The following RIC1 variants were observed in gnomAD, a reference collection of about 807,000 sequenced individuals.
RIC1 encodes guanine nucleotide exchange factor subunit RIC1.
RIC1 carries 88 observed loss-of-function variants against 169.0 expected under a neutral mutation model. That is an observed-to-expected ratio of 0.52 (90% CI 0.44 to 0.62). The LOEUF (loss-of-function observed/expected upper bound fraction) is 0.62, where lower values mean the gene tolerates loss of function less well. Ranked by LOEUF, RIC1 falls within the 20% of genes least tolerant of loss-of-function variation. The pLI, the probability that RIC1 is intolerant of heterozygous loss-of-function variation, is 0.00. For missense variants in RIC1, 1,877 were observed against 1,725.5 expected (o/e 1.09, Z -1.56); for synonymous variants, 790 against 601.5 (o/e 1.31, Z -4.59).
chr9:5,708,448 T>C (rs971976364), intron 3 of RIC1, among the ~76,000 whole-genome samples: 16 of 152,210 alleles, frequency 1.1e-4, no homozygotes, highest in African/African-American at 3.6e-4. Flanking sequence ...TTAGCATTTC[T>C]GGTAGTTCAG....
rs1001980455 is a variant in RIC1, at chr9:5,684,501, A to G, written c.253-5458A>G. ...CATCTCTTTTGCCAGATTTATCCAT[A>G]TCTCACAACTTTAATGTTACTGATT... On this transcript the variant is annotated intron_variant, in intron 2 of 25. Transcript: ENST00000414202. Among the ~76,000 whole-genome samples the G allele has an allele frequency of 7.2e-5, 11 of 152,078 alleles. No individual in the cohort carries two copies. In the South Asian group the frequency reaches 2.1e-3, roughly 29 times the overall value.
chr9:5,702,437 AGCAG>A (rs1319499344), intron 3 of RIC1, among the ~76,000 whole-genome samples: 1 of 152,216 alleles, frequency 6.6e-6, no homozygotes, highest in Admixed American at 6.5e-5. Flanking sequence ...GAGAAGGGGA[AGCAG>A]GCACCTCTTA....
At position 5,640,819 on chromosome 9, in the gene RIC1, G is replaced by T. The variant is rs572968963; in HGVS notation, c.144+11366G>T. ...TCTCTCAGCATTTTTTGTCTGTGAAGGTCTTTGTTTCTCCTTCATGCTTGA... is the reference window on the plus strand; with the variant it reads ...TCTCTCAGCATTTTTTGTCTGTGAATGTCTTTGTTTCTCCTTCATGCTTGA... On this transcript the variant is annotated intron_variant, in intron 1 of 25. Coordinates refer to ENST00000414202, the MANE Select transcript of RIC1 (RefSeq NM_020829.4). Among the ~76,000 whole-genome samples, 61 of 152,190 alleles carry T rather than the reference G, an allele frequency of 4.0e-4. 2 individuals are homozygous for T. The South Asian group carries it at 0.012, about 31-fold the overall frequency.
In RIC1 at chr9:5,646,181, G is replaced by C. The variant is rs563877192; in HGVS notation, c.145-10402G>C. On this transcript the variant is annotated intron_variant, in intron 1 of 25. Transcript: ENST00000414202. The stretch of plus-strand genomic sequence containing the variant: ...CATTTTCCTAATGGTTATTAATGTC[G>C]AGCATCTTTTATGTACTTGTAAGTC... 2.5e-3 allele frequency among the ~76,000 whole-genome samples: 379 copies of C among 152,166 alleles called. 2 individuals are homozygous for C. Among genetic ancestry groups the C allele is most frequent in the Non-Finnish European group, 4.2e-3 (286 of 67,984 alleles).
chr9:5,682,579 G>A (rs1018695363), intron 2 of RIC1, among the ~76,000 whole-genome samples: 1 of 152,096 alleles, frequency 6.6e-6, no homozygotes, highest in African/African-American at 2.4e-5. Context: ...TTTCTCTGTG[G>A]CTGCCCTTAA....
intron 17 of RIC1, among the ~76,000 whole-genome samples, chr9:5,759,363 C>G (rs549529731): frequency 4.6e-5 from 7 of 152,190 alleles, no homozygotes; most frequent in African/African-American, 1.4e-4. Context: ...AGTCATCTTC[C>G]CTACCACAAG....
chr9:5,687,331 T>A (rs2130691830), intron 2 of RIC1, among the ~76,000 whole-genome samples: 1 of 152,318 alleles, frequency 6.6e-6, no homozygotes, highest in East Asian at 1.9e-4. Flanking sequence ...TTTCATTGAT[T>A]ACCACTCTGA....
chr9:5,709,825 G>A (rs1156514676), intron 3 of RIC1, among the ~76,000 whole-genome samples: 1 of 152,106 alleles, frequency 6.6e-6, no homozygotes, highest in Non-Finnish European at 1.5e-5. Context: ...CCTGCGAGAT[G>A]TATCTCTAAT....
intron 18 of RIC1, among the ~76,000 whole-genome samples, 185 bp downstream of exon 18, chr9:5,762,845 T>C (rs1278500079): frequency 1.3e-5 from 2 of 152,190 alleles, no homozygotes; most frequent in African/African-American, 4.8e-5. Flanking sequence ...AAAATGATCA[T>C]GAAATGTTCC....
chr9:5,689,133 C>A (rs535522445), intron 2 of RIC1, among the ~76,000 whole-genome samples: 4 of 146,160 alleles, frequency 2.7e-5, no homozygotes, highest in Non-Finnish European at 5.9e-5. Context: ...ACTGCAAGCT[C>A]CGCCTTCTGG....
At chr9:5,716,297 G>A (rs1263511605) in intron 4 of RIC1, among the ~76,000 whole-genome samples, 1 of 152,102 alleles carries the variant, frequency 6.6e-6, no homozygotes, top group Non-Finnish European at 1.5e-5. Flanking sequence ...CTCATTAACA[G>A]TTGTGATATT....
chr9:5,762,954 A>G (rs993274092), intron 18 of RIC1, among the ~76,000 whole-genome samples, 186 bp from the exon 19 acceptor site: 2 of 152,202 alleles, frequency 1.3e-5, no homozygotes, highest in African/African-American at 4.8e-5. Flanking sequence ...TTGTTTTCAG[A>G]TTTAAGTGTA....
chr9:5,762,648 C>A lies in RIC1; in HGVS notation c.2100C>A (p.Asn700Lys). Residue 700 changes from asparagine to lysine, a missense_variant, in exon 18 of 26, where the codon AAC becomes AAA. Physicochemically the swap from Asn to Lys is moderately conservative, Grantham distance 94. Around this residue, in one of 3 missense-constraint regions of RIC1, gnomAD observed 1,104 missense variants for 992.0 expected, o/e 1.11. Coordinates refer to ENST00000414202, the MANE Select transcript of RIC1 (RefSeq NM_020829.4). ...QIREKDSNPN[N>K]QRKLLPFCPP... Reference sequence around the variant, plus strand: ...GGGAGAAGGACAGTAACCCTAATAACCAAAGGAAACTTGTGAGTAAAGTAC... The same window carrying A: ...GGGAGAAGGACAGTAACCCTAATAAACAAAGGAAACTTGTGAGTAAAGTAC... The A allele has an allele frequency of 6.2e-7, 1 of 1,613,454 alleles. No homozygotes were observed. The highest frequency in any genetic ancestry group is 8.5e-7 in the Non-Finnish European group (1 of 1,179,730).
chr9:5,694,529 T>C (rs1251058783), intron 3 of RIC1, among the ~76,000 whole-genome samples: 5 of 152,222 alleles, frequency 3.3e-5, no homozygotes, highest in South Asian at 4.1e-4. Flanking sequence ...TGGGTGACCT[T>C]TTACTACTGA....
chr9:5,703,345 C>G (rs1822354155), intron 3 of RIC1, among the ~76,000 whole-genome samples: 1 of 152,168 alleles, frequency 6.6e-6, no homozygotes, highest in Non-Finnish European at 1.5e-5. Context: ...TCCAAAATAA[C>G]CTCCTTTGAC....
At position 5,656,608 on chromosome 9, in the gene RIC1, A is replaced by G. The variant is rs1249705138; in HGVS notation, c.170A>G (p.Lys57Arg). 3.7e-6 allele frequency: 6 copies of G among 1,607,130 alleles called. No homozygotes were observed. Among genetic ancestry groups the G allele is most frequent in the Non-Finnish European group, 4.3e-6 (5 of 1,175,786 alleles). ...CCTAGTGTGTTAATTGTAACCTACA[A>G]GGAGCCTGCAAAATCATCTACTCAG... is the stretch of plus-strand genomic sequence containing the variant. ...SRPSVLIVTYKEPAKSSTQFG... is the reference protein window; with the variant it reads ...SRPSVLIVTYREPAKSSTQFG... Residue 57 changes from lysine (K) to arginine (R), a missense_variant, in exon 2 of 26, where the codon AAG (lysine) becomes AGG (arginine). By Grantham distance (26) the Lys-to-Arg change is conservative. Coordinates refer to ENST00000414202, the MANE Select transcript of RIC1 (RefSeq NM_020829.4).
chr9:5,737,137 A>G (rs572852009), intron 7 of RIC1, among the ~76,000 whole-genome samples: 1 of 152,206 alleles, frequency 6.6e-6, no homozygotes, highest in Non-Finnish European at 1.5e-5. Context: ...CTCATTTTCA[A>G]ATGCTGAATG....
intron 6 of RIC1, among the ~76,000 whole-genome samples, chr9:5,729,665 TA>T (rs1457221798): frequency 6.6e-6 from 1 of 152,182 alleles, no homozygotes; most frequent in Non-Finnish European, 1.5e-5. Flanking sequence ...GAAAGGAATT[TA>T]AGTTTTTAAT....
In RIC1 at chr9:5,649,740, T is replaced by G. The variant is rs202068966; in HGVS notation, c.145-6843T>G. 3.0e-4 allele frequency among the ~76,000 whole-genome samples: 13 copies of G among 43,534 alleles called. No homozygotes were observed. In the South Asian group the frequency reaches 9.0e-3, roughly 30 times the overall value. 28.6% of individuals were successfully genotyped at this position (43,534 alleles called of 152,430 possible). On this transcript the variant is annotated intron_variant, in intron 1 of 25. Coordinates refer to ENST00000414202, the MANE Select transcript of RIC1 (RefSeq NM_020829.4). The stretch of plus-strand genomic sequence containing the variant: ...CCTTTGGAGATGTCATAATTTCTTG[T>G]TTTTTTTTTTTCACATTACTTGTAT...
Sources: gnomAD v4.1 joint callset for allele counts (sites outside exome capture counted in the v4.1 genomes callset) on GRCh38, gnomAD v4.1.1 for gene constraint, gnomAD v4.1.1 regional missense constraint, MANE v1.5 for transcripts, NCBI Gene and HGNC (gene_info 2026-07-23, HGNC 2026-07-21) for gene names.